RBFOX1: variants seen among roughly 807,000 people sequenced by gnomAD.
The protein encoded by RBFOX1 is RNA binding protein fox-1 homolog 1.
RBFOX1 carries 8 observed loss-of-function variants against 57.7 expected under a neutral mutation model. The ratio of observed to expected loss-of-function variants is 0.14; its 90% CI spans 0.08 to 0.25. RBFOX1 has a LOEUF of 0.25. RBFOX1 is among the 10% of genes least tolerant of loss of function. RBFOX1 has a pLI of 1.00. For synonymous variants in RBFOX1, 326 were observed against 222.4 expected (o/e 1.47, Z -4.15); for missense variants, 611 against 548.5 (o/e 1.11, Z -1.14).
In RBFOX1 at chr16:6,860,017, A is replaced by C. The variant is rs186800930; in HGVS notation, c.-15-192040A>C. On this transcript the variant is annotated intron_variant, in intron 3 of 15. Transcript: ENST00000550418. ...TCATTGACTGTAAAGTGTAGGAGTT[A>C]ACACCACAAGGGTACCTGATGGAAC... 1.3e-3 allele frequency among the ~76,000 whole-genome samples: 200 copies of C among 152,322 alleles called. 1 individual carries two copies. Among genetic ancestry groups the C allele is most frequent in the African/African-American group, 4.6e-3 (193 of 41,566 alleles).
At chr16:7,700,382 A>G (rs1006553961) in intron 14 of RBFOX1, among the ~76,000 whole-genome samples, 1 of 151,986 alleles carries the variant, frequency 6.6e-6, no homozygotes, top group Non-Finnish European at 1.5e-5. Flanking sequence ...ACTCAAAGAG[A>G]AGAACTTTGA....
intron 5 of RBFOX1, among the ~76,000 whole-genome samples, chr16:7,533,784 T>G (rs1740042216): frequency 6.6e-6 from 1 of 152,246 alleles, no homozygotes; most frequent in Admixed American, 6.5e-5. Context: ...AGGAATCATC[T>G]GTACTGACCT....
At chr16:5,543,977 T>C (rs1451235676) in intron 2 of RBFOX1, among the ~76,000 whole-genome samples, 6 of 152,174 alleles carry the variant, frequency 3.9e-5, no homozygotes, top group African/African-American at 1.4e-4. Flanking sequence ...AGAATTATGA[T>C]TGAACGTCAA....
At chr16:5,919,248 G>T (rs529818969) in intron 4 of RBFOX1, among the ~76,000 whole-genome samples, 2 of 152,308 alleles carry the variant, frequency 1.3e-5, no homozygotes, top group East Asian at 3.9e-4. Context: ...CTCTGAATTA[G>T]CCCTGTAACA....
intron 3 of RBFOX1, among the ~76,000 whole-genome samples, chr16:6,696,367 T>G (rs556941819): frequency 1.3e-5 from 2 of 152,282 alleles, no homozygotes; most frequent in East Asian, 1.9e-4. Flanking sequence ...CTTTATAATA[T>G]GCAGTGAGTC....
intron 4 of RBFOX1, among the ~76,000 whole-genome samples, chr16:7,433,927 A>G (rs1049900050): frequency 1.3e-5 from 2 of 152,240 alleles, no homozygotes; most frequent in African/African-American, 2.4e-5. Context: ...GTAGATAGGT[A>G]TGTTAGACAA....
At chr16:5,628,509 G>A (rs967599770) in intron 3 of RBFOX1, among the ~76,000 whole-genome samples, 2 of 152,078 alleles carry the variant, frequency 1.3e-5, no homozygotes, top group East Asian at 1.9e-4. Context: ...GGGGAAGAAC[G>A]CTTTAGGTCA....
chr16:6,605,004 T>G (rs1280967322), intron 2 of RBFOX1, among the ~76,000 whole-genome samples: 1 of 151,860 alleles, frequency 6.6e-6, no homozygotes. Context: ...TATATAAATA[T>G]AAATGTATTT....
At chr16:6,907,729 C>G (rs1302998900) in intron 3 of RBFOX1, among the ~76,000 whole-genome samples, 2 of 151,998 alleles carry the variant, frequency 1.3e-5, no homozygotes, top group East Asian at 3.9e-4. Context: ...CACCACCATG[C>G]TTGGCTTATT....
At chr16:6,572,869 C>T (rs7199474) in intron 2 of RBFOX1, among the ~76,000 whole-genome samples, 140,319 of 152,148 alleles carry the variant, frequency 0.92, 65,799 homozygotes, top group Non-Finnish European at 1. Flanking sequence ...GTTGGGATTT[C>T]AGGAGTGATC....
At chr16:6,062,795 G>A (rs1193836049) in intron 1 of RBFOX1, among the ~76,000 whole-genome samples, 1 of 151,868 alleles carries the variant, frequency 6.6e-6, no homozygotes, top group Non-Finnish European at 1.5e-5. Flanking sequence ...TGTCTCATGT[G>A]CTTCTAGGGG....
intron 4 of RBFOX1, among the ~76,000 whole-genome samples, chr16:5,922,375 G>C (rs1213696270): frequency 6.6e-6 from 1 of 152,192 alleles, no homozygotes. Context: ...GGAAGGAAGG[G>C]AAGAAGAAAA....
At chr16:5,352,069 G>T (rs2151317590) in intron 1 of RBFOX1, among the ~76,000 whole-genome samples, 1 of 152,302 alleles carries the variant, frequency 6.6e-6, no homozygotes, top group South Asian at 2.1e-4. Context: ...GCCTCCCAAA[G>T]TGCTGGGATT....
intron 3 of RBFOX1, among the ~76,000 whole-genome samples, chr16:6,961,496 A>C (rs893575447): frequency 2.6e-5 from 4 of 152,242 alleles, no homozygotes; most frequent in South Asian, 2.1e-4. Context: ...TGGAAATTGC[A>C]GAAGAAAGAA....
chr16:6,890,919 G>T (rs2065260665), intron 3 of RBFOX1, among the ~76,000 whole-genome samples: 2 of 152,264 alleles, frequency 1.3e-5, no homozygotes, highest in Admixed American at 1.3e-4. Flanking sequence ...TGAGAAACTT[G>T]AACAGACTCT....
At chr16:5,323,994 G>C (rs74496603) in intron 1 of RBFOX1, among the ~76,000 whole-genome samples, 4,025 of 152,284 alleles carry the variant, frequency 0.026, 195 homozygotes, top group African/African-American at 0.092. Flanking sequence ...TAATGATTTT[G>C]AAAGTGCTTT....
intron 5 of RBFOX1, among the ~76,000 whole-genome samples, chr16:7,528,593 C>T (rs983805190): frequency 2.6e-5 from 4 of 152,160 alleles, no homozygotes; most frequent in Admixed American, 6.5e-5. Context: ...ATCCTCCTGC[C>T]TCAATAGCAG....
At chr16:6,789,900 A>C (rs2082616605) in intron 3 of RBFOX1, among the ~76,000 whole-genome samples, 1 of 151,772 alleles carries the variant, frequency 6.6e-6, no homozygotes, top group South Asian at 2.1e-4. Context: ...CTTAAAACAT[A>C]TGATTTGGTT....
At chr16:6,165,974 C>T (rs555401821) in intron 1 of RBFOX1, among the ~76,000 whole-genome samples, 2 of 152,142 alleles carry the variant, frequency 1.3e-5, no homozygotes, top group Admixed American at 6.6e-5. Context: ...GAAAGGGATG[C>T]TTAATGTTTC....
Sources: gnomAD v4.1 joint callset for allele counts (sites outside exome capture counted in the v4.1 genomes callset) on GRCh38, gnomAD v4.1.1 for gene constraint, MANE v1.5 for transcripts, NCBI Gene and HGNC (gene_info 2026-07-23, HGNC 2026-07-21) for gene names.